The following PRELID3A variants were observed in gnomAD, a reference collection of about 807,000 sequenced individuals.
PRELID3A encodes PRELI domain containing protein 3A.
In PRELID3A, 27 loss-of-function variants were observed where a neutral mutation model predicts 23.0. The observed-to-expected ratio is 1.17, with a 90% CI of 0.87 to 1.62. The LOEUF is 1.62. Among genes scored for constraint, PRELID3A ranks in the 40% most tolerant of loss-of-function variants. PRELID3A has a pLI of 0.00. For synonymous variants in PRELID3A, 87 were observed against 86.4 expected, an observed-to-expected ratio of 1.01 and a Z score of -0.04; for missense variants, 231 against 231.4, an observed-to-expected ratio of 1.00 and a Z score of 0.01.
In PRELID3A at chr18:12,421,568, A is replaced by C; in HGVS notation, c.230A>C (p.Tyr77Ser). 1 of 1,613,792 alleles carries C rather than the reference A, an allele frequency of 6.2e-7. No individual in the cohort carries two copies. The highest frequency in any genetic ancestry group is 1.1e-5 in the South Asian group (1 of 91,066). Residue 77 changes from tyrosine (Y) to serine (S), a missense_variant, in exon 3 of 7, where the codon TAC becomes TCC. By Grantham distance (144) the Tyr-to-Ser change is moderately radical (BLOSUM62 -2). Coordinates refer to ENST00000440960, the MANE Select transcript of PRELID3A (RefSeq NM_001142405.2). ...TTGGGAACCAGTAGGACATTGACAT[A>C]CATCCGAGAACATTCTGTGGTGGAT... ...AILGTSRTLT[Y>S]IREHSVVDPV... is the part of the protein sequence containing the mutation.
intron 5 of PRELID3A, among the ~76,000 whole-genome samples, chr18:12,428,208 T>C (rs1176750215): frequency 6.6e-6 from 1 of 152,198 alleles, no homozygotes; most frequent in East Asian, 1.9e-4. Flanking sequence ...ACTCCCTTTG[T>C]GTCCAGGGCA....
Position 12,427,112 on chromosome 18 carries a change from G to A in PRELID3A, c.362+1G>A. On this transcript the variant is annotated splice_donor_variant, in intron 4 of 6. Transcript: ENST00000440960. LOFTEE classifies it high-confidence loss of function. ...CACCTCATCCAGAGAACCCAGAAAT[G>A]TGAGTCATCTCCTGTGGGATTGACA... 1 of 1,612,292 alleles carries A rather than the reference G, an allele frequency of 6.2e-7. No homozygotes were observed. The highest frequency in any genetic ancestry group is 8.5e-7 in the Non-Finnish European group (1 of 1,178,344).
chr18:12,408,826 T>G (rs904990021), intron 1 of PRELID3A, among the ~76,000 whole-genome samples: 8 of 152,156 alleles, frequency 5.3e-5, no homozygotes, highest in Admixed American at 6.5e-5. Context: ...GGGTAATGCA[T>G]ACCCTAGAAG....
intron 1 of PRELID3A, among the ~76,000 whole-genome samples, chr18:12,413,622 C>T (rs1052693295): frequency 2.0e-5 from 3 of 152,134 alleles, no homozygotes; most frequent in African/African-American, 7.2e-5. Flanking sequence ...CTCACTCTGT[C>T]GCCCAGGCTG....
intron 3 of PRELID3A, among the ~76,000 whole-genome samples, chr18:12,424,285 G>T (rs562557273): frequency 1.1e-3 from 160 of 152,350 alleles, no homozygotes; most frequent in Non-Finnish European, 1.2e-3. Context: ...AGTCTGATGG[G>T]AAGGAAACAG....
intron 3 of PRELID3A, among the ~76,000 whole-genome samples, chr18:12,425,945 A>C (rs1301203867): frequency 6.6e-6 from 1 of 152,056 alleles, no homozygotes; most frequent in Non-Finnish European, 1.5e-5. Flanking sequence ...GTCTCAAAAA[A>C]TAAAAAAGAG....
intron 3 of PRELID3A, among the ~76,000 whole-genome samples, chr18:12,423,515 G>A (rs904670989): frequency 1.3e-5 from 2 of 152,188 alleles, no homozygotes; most frequent in Non-Finnish European, 1.5e-5. Context: ...TGGTTAGGGC[G>A]CCAGGCTGAA....
At chr18:12,426,441 C>G (rs188037185) in intron 3 of PRELID3A, among the ~76,000 whole-genome samples, 1 of 150,510 alleles carries the variant, frequency 6.6e-6, no homozygotes, top group African/African-American at 2.4e-5. Flanking sequence ...GTAGTCCCAG[C>G]TACTCGGGAG....
In PRELID3A at chr18:12,420,403, T is replaced by G. The variant is rs773108599; in HGVS notation, c.111T>G (p.Asp37Glu). 1.2e-6 allele frequency: 2 copies of G among 1,607,704 alleles called. No individual in the cohort carries two copies. Among genetic ancestry groups the G allele is most frequent in the East Asian group, 4.5e-5 (2 of 44,564 alleles). Residue 37 changes from aspartate (D) to glutamate (E), a missense_variant, in exon 2 of 7, where the codon GAT becomes GAG. By Grantham distance (45) the Asp-to-Glu change is conservative. Coordinates refer to ENST00000440960, the MANE Select transcript of PRELID3A (RefSeq NM_001142405.2). ...TGAACCCGAGCGTGCTGGGCGTGGA[T>G]GTGCTACAGCGCCGCGTGGACGGCC... The part of the protein sequence containing the change: ...NPMNPSVLGV[D>E]VLQRRVDGRG...
At chr18:12,416,684 T>G (rs990936318) in intron 1 of PRELID3A, among the ~76,000 whole-genome samples, 2 of 149,858 alleles carry the variant, frequency 1.3e-5, no homozygotes, top group Non-Finnish European at 3.0e-5. Flanking sequence ...CTCACTCTGT[T>G]GCCCAGGGTG....
intron 3 of PRELID3A, among the ~76,000 whole-genome samples, 169 bp from the exon 4 acceptor site, chr18:12,426,872 C>T (rs1329493374): frequency 6.6e-6 from 1 of 152,134 alleles, no homozygotes; most frequent in East Asian, 1.9e-4. Flanking sequence ...CCAGAAGGAA[C>T]AGCAAAACCA....
chr18:12,409,852 G>A, intron 1 of PRELID3A, among the ~76,000 whole-genome samples: 1 of 151,928 alleles, frequency 6.6e-6, no homozygotes, highest in Middle Eastern at 3.2e-3. Context: ...CTTTACCGAA[G>A]GATACTTTAC....
At chr18:12,413,954 G>T (rs1403721752) in intron 1 of PRELID3A, among the ~76,000 whole-genome samples, 2 of 152,180 alleles carry the variant, frequency 1.3e-5, no homozygotes, top group African/African-American at 4.8e-5. Flanking sequence ...TTGAAGCACA[G>T]GCTTACTTTG....
At chr18:12,413,335 C>T (rs539511853) in intron 1 of PRELID3A, among the ~76,000 whole-genome samples, 3 of 152,230 alleles carry the variant, frequency 2.0e-5, no homozygotes, top group African/African-American at 7.2e-5. Flanking sequence ...CCTAGCTGTT[C>T]AGGAGGCTGA....
intron 6 of PRELID3A, among the ~76,000 whole-genome samples, chr18:12,430,844 ATG>A (rs1311539553): frequency 1.5e-5 from 2 of 136,298 alleles, no homozygotes; most frequent in African/African-American, 2.8e-5. Flanking sequence ...GTATGGGTGC[ATG>A]TGTGTGAGGT....
At chr18:12,419,921 T>G in intron 1 of PRELID3A, 1 of 179,916 alleles carries the variant, frequency 5.6e-6, no homozygotes, top group East Asian at 1.6e-4. Flanking sequence ...AGAGCAAGAC[T>G]CCGTCTCAAA....
intron 6 of PRELID3A, among the ~76,000 whole-genome samples, chr18:12,430,518 T>A (rs2030541156): frequency 6.7e-6 from 1 of 149,242 alleles, no homozygotes; most frequent in Non-Finnish European, 1.5e-5. Flanking sequence ...GTGATGTGCG[T>A]GTGTGGGGTG....
intron 1 of PRELID3A, among the ~76,000 whole-genome samples, chr18:12,415,621 A>G (rs531981242): frequency 7.4e-4 from 113 of 152,316 alleles, no homozygotes; most frequent in Non-Finnish European, 1.4e-3. Flanking sequence ...TGGAGAGACT[A>G]GAATACTGAG....
At chr18:12,413,892 A>T (rs2029877554) in intron 1 of PRELID3A, among the ~76,000 whole-genome samples, 1 of 152,126 alleles carries the variant, frequency 6.6e-6, no homozygotes, top group African/African-American at 2.4e-5. Flanking sequence ...CCAAATTATC[A>T]CTTTAAAGCT....
Sources: allele counts gnomAD v4.1 joint callset (sites outside exome capture counted in the v4.1 genomes callset), GRCh38; gene constraint gnomAD v4.1.1; transcripts MANE v1.5; gene names NCBI Gene and HGNC (gene_info 2026-07-23, HGNC 2026-07-21).